Variants in GRIP1 observed in about 807,000 individuals in gnomAD.
GRIP1 encodes glutamate receptor-interacting protein 1.
In GRIP1, 45 loss-of-function variants were observed where a neutral mutation model predicts 129.9. The ratio of observed to expected loss-of-function variants is 0.35; its 90% confidence interval spans 0.27 to 0.44. The LOEUF (loss-of-function observed/expected upper bound fraction) is 0.44. Ranked by LOEUF, GRIP1 falls within the 20% of genes least tolerant of loss-of-function variation. GRIP1 has a pLI of 1.00. For synonymous variants in GRIP1, 530 were observed against 520.8 expected (o/e 1.02, Z -0.24); for missense variants, 1,196 against 1,396.8 (o/e 0.86, Z 2.29).
intron 1 of GRIP1, among the ~76,000 whole-genome samples, chr12:66,938,665 A>G (rs1242198778): frequency 6.6e-6 from 1 of 152,074 alleles, no homozygotes; most frequent in Non-Finnish European, 1.5e-5. Flanking sequence ...TTCCAGAGAA[A>G]GCAGAGTTTC....
chr12:66,558,048 C>T (rs573031609), intron 2 of GRIP1, among the ~76,000 whole-genome samples: 1 of 152,038 alleles, frequency 6.6e-6, no homozygotes, highest in Admixed American at 6.5e-5. Flanking sequence ...TTTGAATAAA[C>T]AAAATTGATA....
chr12:66,457,775 T>C (rs192939802), intron 9 of GRIP1, among the ~76,000 whole-genome samples: 90 of 152,224 alleles, frequency 5.9e-4, no homozygotes, highest in African/African-American at 2.1e-3. Flanking sequence ...CACGGACAGA[T>C]CACTGCGGGG....
chr12:66,527,113 T>C (rs983900150), intron 5 of GRIP1, among the ~76,000 whole-genome samples: 1 of 147,124 alleles, frequency 6.8e-6, no homozygotes, highest in Non-Finnish European at 1.5e-5. Context: ...TGGAAGTCAG[T>C]GTGGCGATTC....
intron 16 of GRIP1, 126 bp downstream of exon 16, chr12:66,406,155 CTT>C: frequency 1.2e-6 from 1 of 854,544 alleles, no homozygotes; most frequent in Non-Finnish European, 1.9e-6. Context: ...TTTAAAGACT[CTT>C]TTAGCTGTGA....
intron 3 of GRIP1, among the ~76,000 whole-genome samples, chr12:66,540,257 A>C (rs2061732904): frequency 6.6e-6 from 1 of 152,236 alleles, no homozygotes; most frequent in Non-Finnish European, 1.5e-5. Flanking sequence ...CAAGGATCTC[A>C]TCTTTAATTA....
intron 19 of GRIP1, among the ~76,000 whole-genome samples, chr12:66,389,701 G>A (rs775829093): frequency 1.8e-4 from 27 of 152,200 alleles, no homozygotes; most frequent in Non-Finnish European, 3.7e-4. Flanking sequence ...TTATGTTGAG[G>A]TAGGTGTCAT....
At chr12:66,709,095 CA>C (rs1159033765) in intron 1 of GRIP1, among the ~76,000 whole-genome samples, 1 of 151,728 alleles carries the variant, frequency 6.6e-6, no homozygotes, top group Non-Finnish European at 1.5e-5. Flanking sequence ...TACTATACAG[CA>C]AATAAAAAGA....
chr12:66,509,697 A>T (rs1202523695), intron 7 of GRIP1, among the ~76,000 whole-genome samples: 2 of 152,150 alleles, frequency 1.3e-5, no homozygotes, highest in African/African-American at 4.8e-5. Flanking sequence ...TAATGCAGGA[A>T]CAGAAAATCA....
At chr12:66,509,005 T>C (rs1346081156) in intron 7 of GRIP1, among the ~76,000 whole-genome samples, 2 of 152,232 alleles carry the variant, frequency 1.3e-5, no homozygotes, top group Non-Finnish European at 2.9e-5. Context: ...GATAATTGTG[T>C]GCTCCTCCAC....
intron 1 of GRIP1, among the ~76,000 whole-genome samples, chr12:66,816,083 A>C (rs1197495407): frequency 6.6e-6 from 1 of 152,152 alleles, no homozygotes; most frequent in African/African-American, 2.4e-5. Flanking sequence ...TTTTCATCTG[A>C]GAACAGGATC....
At chr12:66,811,220 G>A (rs1001095137) in intron 1 of GRIP1, among the ~76,000 whole-genome samples, 1 of 152,090 alleles carries the variant, frequency 6.6e-6, no homozygotes, top group Non-Finnish European at 1.5e-5. Context: ...TATAGAATAT[G>A]TTCATTCAAT....
intron 1 of GRIP1, among the ~76,000 whole-genome samples, chr12:66,908,636 A>G (rs530349776): frequency 6.6e-6 from 1 of 152,298 alleles, no homozygotes; most frequent in Admixed American, 6.5e-5. Flanking sequence ...ATTGGAGTGC[A>G]TGGTATATAG....
At chr12:66,827,387 T>TGTGAGAGAGA (rs755458052) in intron 1 of GRIP1, among the ~76,000 whole-genome samples, 57 of 108,288 alleles carry the variant, frequency 5.3e-4, no homozygotes, top group Middle Eastern at 5.0e-3. Flanking sequence ...TGTGTGTGTG[T>TGTGAGAGAGA]GAGAGAGAGA....
At chr12:66,521,801 C>G (rs372499020) in intron 5 of GRIP1, among the ~76,000 whole-genome samples, 5 of 152,198 alleles carry the variant, frequency 3.3e-5, no homozygotes, top group African/African-American at 1.2e-4. Context: ...TCACTCCCAC[C>G]CTAATACTGA....
chr12:66,399,941 G>C (rs1179731398), intron 16 of GRIP1, among the ~76,000 whole-genome samples: 1 of 151,922 alleles, frequency 6.6e-6, no homozygotes, highest in African/African-American at 2.4e-5. Flanking sequence ...CTGCTGCACG[G>C]TCATTTTACA....
intron 5 of GRIP1, among the ~76,000 whole-genome samples, chr12:66,528,446 T>C (rs1356201268): frequency 2.0e-5 from 3 of 152,094 alleles, no homozygotes; most frequent in Non-Finnish European, 4.4e-5. Flanking sequence ...CTAGAATTAG[T>C]AGTTTTATGA....
intron 19 of GRIP1, among the ~76,000 whole-genome samples, chr12:66,380,398 G>T (rs2056050413): frequency 1.3e-5 from 2 of 152,180 alleles, no homozygotes; most frequent in Admixed American, 6.5e-5. Context: ...CTGCCTCAGA[G>T]AACTCAGAAG....
intron 1 of GRIP1, among the ~76,000 whole-genome samples, chr12:66,847,195 C>G (rs910082575): frequency 9.2e-5 from 14 of 152,270 alleles, no homozygotes; most frequent in African/African-American, 3.4e-4. Context: ...AAAAGTGTCC[C>G]AGCTGTCATT....
At chr12:67,043,892 T>C (rs1225155055) in intron 1 of GRIP1, among the ~76,000 whole-genome samples, 1 of 151,998 alleles carries the variant, frequency 6.6e-6, no homozygotes, top group Non-Finnish European at 1.5e-5. Context: ...AAAAGGAGAA[T>C]CTCTAATGTG....
Sources: allele counts gnomAD v4.1 joint callset (sites outside exome capture counted in the v4.1 genomes callset), GRCh38; gene constraint gnomAD v4.1.1; transcripts MANE v1.5; gene names NCBI Gene and HGNC (gene_info 2026-07-23, HGNC 2026-07-21).